The following BCL11B variants were observed in gnomAD, a reference collection of about 807,000 sequenced individuals.
BCL11B encodes the protein B-cell lymphoma/leukemia 11B.
Under a neutral mutation model 49.9 loss-of-function variants are expected in BCL11B, and 8 were observed. The observed-to-expected ratio is 0.16, with a 90% CI of 0.09 to 0.29. The LOEUF (loss-of-function observed/expected upper bound fraction) is 0.29. BCL11B is among the 10% of genes least tolerant of loss of function. The probability of loss-of-function intolerance (pLI) is 1.00; values close to 1 mark genes in which losing one functional copy is unlikely to be tolerated. For missense variants in BCL11B, 1,006 were observed against 1,351.0 expected (o/e 0.74, Z 4.00); for synonymous variants, 739 against 637.4 (o/e 1.16, Z -2.40).
chr14:99,261,533 G>A (rs756859114), intron 1 of BCL11B, among the ~76,000 whole-genome samples: 1 of 152,066 alleles, frequency 6.6e-6, no homozygotes, highest in Non-Finnish European at 1.5e-5. Flanking sequence ...CCAGGAAAAA[G>A]ACCAATGAAA....
intron 3 of BCL11B, among the ~76,000 whole-genome samples, chr14:99,222,037 A>T (rs1020597542): frequency 1.3e-5 from 2 of 152,202 alleles, no homozygotes; most frequent in African/African-American, 4.8e-5. Flanking sequence ...CTTTTTGGGT[A>T]AAAGTGGCCA....
chr14:99,174,231 G>A lies in BCL11B; in HGVS notation c.2605C>T (p.Leu869=), dbSNP rs757598508. The change falls in exon 4 of 4, where the codon CTG becomes TTG. Residue 869 remains leucine, a synonymous_variant. Transcript: ENST00000357195. ...CQMPFSVYST[L]EKHMKKWHGE... Reference sequence around the variant, plus strand: ...TGCCACTTTTTCATGTGTTTCTCCAGGGTGCTGTAGACGCTGAAGGGCATC... The same window carrying A: ...TGCCACTTTTTCATGTGTTTCTCCAAGGTGCTGTAGACGCTGAAGGGCATC... The A allele has an allele frequency of 2.5e-6, 4 of 1,613,920 alleles. No homozygotes were observed. The highest frequency in any genetic ancestry group is 3.4e-6 in the Non-Finnish European group (4 of 1,180,026).
chr14:99,199,660 G>C lies in BCL11B; in HGVS notation c.641-23465C>G, dbSNP rs1290258776. Among the ~76,000 whole-genome samples, 19 of 82,458 alleles carry C rather than the reference G, an allele frequency of 2.3e-4. 1 individual carries two copies. Among genetic ancestry groups the C allele is most frequent in the Admixed American group, 1.9e-3 (18 of 9,350 alleles). The allele number at this position is 82,458 out of a possible 152,430, so 54.1% of individuals were successfully genotyped here. A position where few individuals can be genotyped will look rare whatever the true frequency, so the allele number is the denominator to read the frequency against. On this transcript the variant is annotated intron_variant, in intron 3 of 3. Transcript: ENST00000357195. ...AAATGCTGTGTGTGTGTGTGTGTGT[G>C]TGTGTGTGTGTGTGTGTGTGTGTGC...
In BCL11B at chr14:99,175,148, C is replaced by T; in HGVS notation, c.1688G>A (p.Ser563Asn). Residue 563 changes from serine to asparagine, a missense_variant, in exon 4 of 4, where the codon AGC becomes AAC. Ser to Asn is a conservative substitution (Grantham distance 46). Transcript: ENST00000357195. ...ACCACCGCCGTTCTCGCGGTTGCGG[C>T]TCAGCTCCGAGTCCATGCTGAAGCT... ...ESSFSMDSEL[S>N]RNRENGGGGV... 2 of 1,595,138 alleles carry T rather than the reference C, an allele frequency of 1.3e-6. No individual in the cohort carries two copies. Among genetic ancestry groups the T allele is most frequent in the Non-Finnish European group, 1.7e-6 (2 of 1,173,458 alleles).
rs73342751 is a variant in BCL11B at position 99,220,665 on chromosome 14, G to A, written c.640+10680C>T. On this transcript the variant is annotated intron_variant, in intron 3 of 3. Coordinates refer to ENST00000357195, the MANE Select transcript of BCL11B (RefSeq NM_138576.4). Reference sequence around the variant, plus strand: ...CTGGAGATGGACGGTGGTGATGGCTGCATAACAATTGCAATGTACTTATTG... The same window carrying A: ...CTGGAGATGGACGGTGGTGATGGCTACATAACAATTGCAATGTACTTATTG... Among the ~76,000 whole-genome samples, 1,009 of 152,174 alleles carry A rather than the reference G, an allele frequency of 6.6e-3. 10 individuals carry two copies. Among genetic ancestry groups the A allele is most frequent in the African/African-American group, 0.023 (950 of 41,500 alleles).
rs771961010 is a variant in BCL11B at position 99,228,489 on chromosome 14, C to T, written c.640+2856G>A. Reference sequence around the variant, plus strand: ...GCAGAGGGCAGGAGGTAAGAGCAGGCCCCTTAGAAGGGTCTCCTGGAGCAG... The same window carrying T: ...GCAGAGGGCAGGAGGTAAGAGCAGGTCCCTTAGAAGGGTCTCCTGGAGCAG... On this transcript the variant is annotated intron_variant, in intron 3 of 3. Transcript: ENST00000357195. This position sits in a 1 kb window ranked among gnomAD's most constrained non-coding sequence, Gnocchi z 4.8. 6.6e-6 allele frequency among the ~76,000 whole-genome samples: 1 copy of T among 152,090 alleles called. No individual in the cohort carries two copies. Among genetic ancestry groups the T allele is most frequent in the East Asian group, 1.9e-4 (1 of 5,188 alleles).
chr14:99,227,132 T>C (rs1294966807), intron 3 of BCL11B, among the ~76,000 whole-genome samples: 1 of 152,174 alleles, frequency 6.6e-6, no homozygotes, highest in African/African-American at 2.4e-5. Flanking sequence ...CTATTCCACC[T>C]CCCAAAGCTG....
intron 3 of BCL11B, among the ~76,000 whole-genome samples, chr14:99,199,528 C>T (rs1887279100): frequency 6.6e-6 from 1 of 152,082 alleles, no homozygotes; most frequent in Admixed American, 6.5e-5. Context: ...GGAGCGCTCT[C>T]GACTGAAACA....
rs1488356441 is a variant in BCL11B at position 99,231,801 on chromosome 14, G to T, written c.428-244C>A. On this transcript the variant is annotated intron_variant, in intron 2 of 3. Coordinates refer to ENST00000357195, the MANE Select transcript of BCL11B (RefSeq NM_138576.4). The surrounding 1 kb of genome is among the most constrained non-coding windows in gnomAD (Gnocchi z 8.1). ...CACAGCTGCCAGGCTGGGCTGTCGG[G>T]GAGGCAGGACCCCGCCTCTGGGGGC... 2.6e-5 allele frequency among the ~76,000 whole-genome samples: 4 copies of T among 152,042 alleles called. No individual in the cohort carries two copies. The highest frequency in any genetic ancestry group is 9.7e-5 in the African/African-American group (4 of 41,430).
At chr14:99,238,533 T>C (rs1402345398) in intron 2 of BCL11B, among the ~76,000 whole-genome samples, 1 of 152,178 alleles carries the variant, frequency 6.6e-6, no homozygotes, top group Non-Finnish European at 1.5e-5. Flanking sequence ...CAGAGGACAC[T>C]TCAATGTTGA....
At chr14:99,227,763 C>T (rs1888199059) in intron 3 of BCL11B, among the ~76,000 whole-genome samples, 1 of 152,138 alleles carries the variant, frequency 6.6e-6, no homozygotes, top group African/African-American at 2.4e-5. Context: ...AAGCACAGAC[C>T]AGGAACACAG....
intron 3 of BCL11B, among the ~76,000 whole-genome samples, chr14:99,219,510 A>G (rs1409448642): frequency 6.6e-6 from 1 of 152,122 alleles, no homozygotes; most frequent in South Asian, 2.1e-4. Context: ...CCCTGTCCCC[A>G]GTCCCTCCCC....
In BCL11B at chr14:99,224,616, G is replaced by A. The variant is rs114920948; in HGVS notation, c.640+6729C>T. On this transcript the variant is annotated intron_variant, in intron 3 of 3. Transcript: ENST00000357195. ...CTTTCTCCCTCCTTCCCTTCCCACCGGCCTTTTCCCTCTGATTCCCCCAGG... is the reference window on the plus strand; with the variant it reads ...CTTTCTCCCTCCTTCCCTTCCCACCAGCCTTTTCCCTCTGATTCCCCCAGG... 5.7e-3 allele frequency among the ~76,000 whole-genome samples: 871 copies of A among 152,240 alleles called. 8 individuals are homozygous for A. The highest frequency in any genetic ancestry group is 0.02 in the African/African-American group (834 of 41,550).
In BCL11B at chr14:99,174,802, G is replaced by T; in HGVS notation, c.2034C>A (p.Ser678Arg). The T allele has an allele frequency of 7.0e-7, 1 of 1,428,954 alleles. No individual in the cohort carries two copies. 88.5% of individuals were successfully genotyped at this position (1,428,954 alleles called of 1,614,324 possible). A position where few individuals can be genotyped will look rare whatever the true frequency, so the allele number is the denominator to read the frequency against. ...LFPRKPAPLP[S>R]PGLNSAAKRI... ...GCTTGGCGGCGCTGTTGAGCCCGGGGCTGGGCAGCGGCGCGGGCTTGCGCG... is the reference window on the plus strand; with the variant it reads ...GCTTGGCGGCGCTGTTGAGCCCGGGTCTGGGCAGCGGCGCGGGCTTGCGCG... Residue 678 changes from serine (S) to arginine (R), a missense_variant, in exon 4 of 4, where the codon AGC becomes AGA. Physicochemically the swap from Ser to Arg is moderately radical, Grantham distance 110. Around this residue, in one of 6 missense-constraint regions of BCL11B, gnomAD observed 443 missense variants for 499.7 expected, o/e 0.89. Transcript: ENST00000357195.
chr14:99,217,371 T>TACACACATACAGACAC (rs1887876992), intron 3 of BCL11B, among the ~76,000 whole-genome samples: 1 of 145,106 alleles, frequency 6.9e-6, no homozygotes. Flanking sequence ...AGTACAAATA[T>TACACACATACAGACAC]ACACACACAT....
intron 3 of BCL11B, among the ~76,000 whole-genome samples, chr14:99,218,540 C>T (rs566593094): frequency 6.6e-6 from 1 of 152,226 alleles, no homozygotes; most frequent in East Asian, 1.9e-4. Context: ...CACCACATTC[C>T]TGAGAAAAAA....
chr14:99,190,755 T>C (rs1438808093), intron 3 of BCL11B, among the ~76,000 whole-genome samples: 1 of 152,174 alleles, frequency 6.6e-6, no homozygotes, highest in East Asian at 1.9e-4. Context: ...AGAAGAATTG[T>C]TCTAAAGCTC....
intron 3 of BCL11B, among the ~76,000 whole-genome samples, chr14:99,185,689 G>T (rs1886832968): frequency 6.6e-6 from 1 of 151,990 alleles, no homozygotes; most frequent in Non-Finnish European, 1.5e-5. Context: ...CCACAAAAGG[G>T]GTCTCCATCC....
chr14:99,174,827 G>A lies in BCL11B; in HGVS notation c.2009C>T (p.Pro670Leu). Residue 670 changes from proline to leucine, a missense_variant, in exon 4 of 4, where the codon CCG (proline) becomes CTG (leucine). Pro to Leu is a moderately conservative substitution (Grantham distance 98, BLOSUM62 -3). Around this residue, in one of 6 missense-constraint regions of BCL11B, gnomAD observed 443 missense variants for 499.7 expected, o/e 0.89. Coordinates refer to ENST00000357195, the MANE Select transcript of BCL11B (RefSeq NM_138576.4). The stretch of plus-strand genomic sequence containing the variant: ...GCTGGGCAGCGGCGCGGGCTTGCGC[G>A]GGAAGAGCCCGGGGAAGGGCTCGGT... ...PGTEPFPGLF[P>L]RKPAPLPSPG... is the part of the protein sequence containing the mutation. 1 of 1,362,476 alleles carries A rather than the reference G, an allele frequency of 7.3e-7. No homozygotes were observed. Among genetic ancestry groups the A allele is most frequent in the Non-Finnish European group, 9.5e-7 (1 of 1,057,924 alleles). The allele number at this position is 1,362,476 out of a possible 1,614,324, so 84.4% of individuals were successfully genotyped here.
Sources: gnomAD v4.1 joint callset for allele counts (sites outside exome capture counted in the v4.1 genomes callset) on GRCh38, gnomAD v4.1.1 for gene constraint, gnomAD v4.1.1 regional missense constraint, Gnocchi (gnomAD v3.1) non-coding constraint, MANE v1.5 for transcripts, NCBI Gene and HGNC (gene_info 2026-07-23, HGNC 2026-07-21) for gene names.